NLGN1: variants seen among roughly 807,000 people sequenced by gnomAD.
NLGN1 encodes the protein neuroligin-1.
A neutral mutation model predicts 65.5 loss-of-function variants in NLGN1; 12 were observed. That is an observed-to-expected ratio of 0.18 (90% CI 0.12 to 0.30). The LOEUF (loss-of-function observed/expected upper bound fraction) is 0.30. NLGN1 is among the 10% of genes least tolerant of loss of function. NLGN1 has a pLI of 1.00. For missense variants in NLGN1, 750 were observed against 1,007.1 expected (o/e 0.74, Z 3.46); for synonymous variants, 350 against 359.5 (o/e 0.97, Z 0.30).
chr3:174,172,703 C>G (rs1378258208), intron 4 of NLGN1, among the ~76,000 whole-genome samples: 1 of 151,946 alleles, frequency 6.6e-6, no homozygotes, highest in African/African-American at 2.4e-5. Context: ...AGTACAATGC[C>G]AATTTGGTTA....
chr3:173,648,767 A>G (rs1325036001), intron 3 of NLGN1, among the ~76,000 whole-genome samples: 1 of 151,688 alleles, frequency 6.6e-6, no homozygotes, highest in Admixed American at 6.6e-5. Flanking sequence ...TAGAGATGGG[A>G]TTTCACCACG....
At chr3:174,086,927 G>A (rs1291315740) in intron 4 of NLGN1, among the ~76,000 whole-genome samples, 1 of 152,162 alleles carries the variant, frequency 6.6e-6, no homozygotes, top group Non-Finnish European at 1.5e-5. Flanking sequence ...ATCTGGAAAT[G>A]TGGTGTAAAA....
At chr3:173,780,147 T>C (rs767872812) in intron 3 of NLGN1, among the ~76,000 whole-genome samples, 3 of 152,218 alleles carry the variant, frequency 2.0e-5, no homozygotes, top group Non-Finnish European at 2.9e-5. Context: ...GTTGACACTT[T>C]ATCCTTAATT....
At chr3:173,724,796 A>G (rs1004054975) in intron 3 of NLGN1, among the ~76,000 whole-genome samples, 7 of 152,232 alleles carry the variant, frequency 4.6e-5, no homozygotes, top group Admixed American at 1.3e-4. Flanking sequence ...ATGTCCATCA[A>G]TGATAGACTG....
intron 4 of NLGN1, among the ~76,000 whole-genome samples, chr3:174,126,058 G>A (rs1413111451): frequency 6.6e-6 from 1 of 152,104 alleles, no homozygotes; most frequent in African/African-American, 2.4e-5. Context: ...GTCACACATT[G>A]AGAAGGAGTG....
chr3:173,781,463 C>T lies in NLGN1; in HGVS notation c.494-26217C>T, dbSNP rs1381638666. ...AATATAAAAAAATTGAATTTGTTCA[C>T]TGTTATGGATTATCTTTGATGGGCA... On this transcript the variant is annotated intron_variant, in intron 3 of 6. Transcript: ENST00000457714. Among the ~76,000 whole-genome samples the T allele has an allele frequency of 2.6e-5, 4 of 152,110 alleles. No individual in the cohort carries two copies. The East Asian group carries it at 7.7e-4, about 29-fold the overall frequency.
intron 4 of NLGN1, among the ~76,000 whole-genome samples, chr3:174,220,172 A>G (rs955862810): frequency 6.6e-6 from 1 of 152,158 alleles, no homozygotes; most frequent in Admixed American, 6.5e-5. Context: ...ATGTGAGCAG[A>G]TTCTGGTAGA....
At chr3:174,147,619 A>G (rs1723586244) in intron 4 of NLGN1, among the ~76,000 whole-genome samples, 1 of 151,488 alleles carries the variant, frequency 6.6e-6, no homozygotes, top group Non-Finnish European at 1.5e-5. Context: ...TATTTTTAGT[A>G]GAGACAGGGT....
intron 2 of NLGN1, among the ~76,000 whole-genome samples, chr3:173,483,695 T>C (rs967999516): frequency 6.6e-6 from 1 of 151,902 alleles, no homozygotes; most frequent in African/African-American, 2.4e-5. Context: ...TGCTGATACA[T>C]GTATGGCAAA....
chr3:173,732,428 A>G (rs906078456), intron 3 of NLGN1, among the ~76,000 whole-genome samples: 19 of 152,112 alleles, frequency 1.2e-4, no homozygotes, highest in Non-Finnish European at 2.4e-4. Context: ...AGATGCTGCT[A>G]CTAGTTAGGC....
the NLGN1 span, among the ~76,000 whole-genome samples, chr3:174,293,484 T>TAC: frequency 1.3e-5 from 2 of 151,500 alleles, no homozygotes; most frequent in African/African-American, 4.8e-5. Context: ...TGTGAAAGCA[T>TAC]ACCATCACAA....
rs73184596 is a variant in NLGN1 at position 174,028,515 on chromosome 3, G to C, written c.646+220683G>C. The stretch of plus-strand genomic sequence containing the variant: ...TTTGAACTTGAGAAAGATGATTTAG[G>C]ACATCTAGCAGAAGAAATTTCTAAG... On this transcript the variant is annotated intron_variant, in intron 4 of 6. Coordinates refer to ENST00000457714, the Ensembl canonical transcript of NLGN1. Among the ~76,000 whole-genome samples the C allele has an allele frequency of 2.6e-3, 403 of 152,290 alleles. 3 individuals carry two copies. Among genetic ancestry groups the C allele is most frequent in the Admixed American group, 3.3e-3 (51 of 15,302 alleles).
intron 4 of NLGN1, among the ~76,000 whole-genome samples, chr3:174,271,563 T>C (rs948499293): frequency 6.6e-6 from 1 of 151,786 alleles, no homozygotes; most frequent in African/African-American, 2.4e-5. Flanking sequence ...TCAGGCCTGG[T>C]TATTTTTCCA....
intron 1 of NLGN1, among the ~76,000 whole-genome samples, chr3:173,426,106 CCTT>C (rs1333979349): frequency 6.6e-6 from 1 of 151,892 alleles, no homozygotes; most frequent in East Asian, 1.9e-4. Flanking sequence ...AATGGAATTA[CCTT>C]CTTGATTTCT....
intron 4 of NLGN1, among the ~76,000 whole-genome samples, chr3:174,003,376 G>A (rs1047645930): frequency 6.6e-6 from 1 of 152,128 alleles, no homozygotes; most frequent in Admixed American, 6.5e-5. Context: ...CCATGGACCA[G>A]TAGCATTAGT....
intron 3 of NLGN1, chr3:173,695,556 G>T: frequency 5.8e-6 from 2 of 344,912 alleles, no homozygotes; most frequent in South Asian, 2.4e-5. Context: ...ATTTTTCAGT[G>T]CCTCTTACAC....
At chr3:174,276,902 C>T (rs571206727) in intron 5 of NLGN1, among the ~76,000 whole-genome samples, 1 of 151,778 alleles carries the variant, frequency 6.6e-6, no homozygotes, top group Admixed American at 6.6e-5. Context: ...GCTAAAGCAA[C>T]ACTAAGCCAC....
intron 4 of NLGN1, among the ~76,000 whole-genome samples, chr3:173,821,395 A>G (rs1235155329): frequency 6.6e-6 from 1 of 152,178 alleles, no homozygotes; most frequent in Non-Finnish European, 1.5e-5. Flanking sequence ...GACAGGAATA[A>G]GAGATGAGTT....
At chr3:173,517,036 TTAG>T (rs147124685) in intron 2 of NLGN1, among the ~76,000 whole-genome samples, 7,672 of 152,124 alleles carry the variant, frequency 0.05, 603 homozygotes, top group African/African-American at 0.18. Flanking sequence ...GATCTGCCAC[TTAG>T]TAGGCAATTA....
Sources: gnomAD v4.1 joint callset for allele counts (sites outside exome capture counted in the v4.1 genomes callset) on GRCh38, gnomAD v4.1.1 for gene constraint, MANE v1.5 for transcripts, NCBI Gene and HGNC (gene_info 2026-07-23, HGNC 2026-07-21) for gene names.